The following LARP4B variants were observed in gnomAD, a reference collection of about 807,000 sequenced individuals.
LARP4B encodes la-related protein 4B.
In LARP4B, 12 loss-of-function variants were observed where a neutral mutation model predicts 89.8. The ratio of observed to expected loss-of-function variants is 0.13; its 90% confidence interval spans 0.09 to 0.22. LARP4B has a LOEUF of 0.22. Among genes scored for constraint, LARP4B ranks in the 10% least tolerant of loss-of-function variants. LARP4B has a pLI of 1.00. For missense variants in LARP4B, 757 were observed against 947.7 expected, an observed-to-expected ratio of 0.80 and a Z score of 2.64; for synonymous variants, 367 against 363.3, an observed-to-expected ratio of 1.01 and a Z score of -0.12.
intron 5 of LARP4B, among the ~76,000 whole-genome samples, chr10:860,219 T>TA (rs1834529868): frequency 6.6e-6 from 1 of 152,088 alleles, no homozygotes; most frequent in East Asian, 1.9e-4. Flanking sequence ...GTCTTTTTTT[T>TA]AAAAAGGATG....
the LARP4B span, among the ~76,000 whole-genome samples, chr10:961,047 G>A: frequency 6.6e-6 from 1 of 152,160 alleles, no homozygotes; most frequent in African/African-American, 2.4e-5. Flanking sequence ...ACGCCAAACT[G>A]CCACTGATGC....
At chr10:855,660 T>A (rs1834264263) in intron 5 of LARP4B, among the ~76,000 whole-genome samples, 1 of 152,150 alleles carries the variant, frequency 6.6e-6, no homozygotes, top group Admixed American at 6.5e-5. Context: ...TGAAAAGGCT[T>A]AAAATATTGT....
chr10:883,178 TTC>T (rs1312090591), intron 3 of LARP4B, among the ~76,000 whole-genome samples: 1 of 152,236 alleles, frequency 6.6e-6, no homozygotes, highest in Non-Finnish European at 1.5e-5. Context: ...TATAATTTTC[TTC>T]TTAGACTACC....
chr10:883,811 A>C (rs915142357), intron 3 of LARP4B, among the ~76,000 whole-genome samples: 1 of 151,726 alleles, frequency 6.6e-6, no homozygotes, highest in Admixed American at 6.6e-5. Flanking sequence ...CCAACTCCTC[A>C]ATTCCTACGT....
the LARP4B span, among the ~76,000 whole-genome samples, chr10:973,705 G>A: frequency 2.6e-5 from 4 of 152,058 alleles, no homozygotes; most frequent in Non-Finnish European, 4.4e-5. Flanking sequence ...ACTGGTTCCC[G>A]TTAGCTAAAT....
chr10:866,529 G>A (rs780322206), intron 3 of LARP4B, among the ~76,000 whole-genome samples: 4 of 152,190 alleles, frequency 2.6e-5, no homozygotes, highest in African/African-American at 9.7e-5. Context: ...ACTGCCTCTG[G>A]CAGCGTTTAC....
At chr10:908,557 C>T (rs1353430647) in intron 1 of LARP4B, among the ~76,000 whole-genome samples, 2 of 152,100 alleles carry the variant, frequency 1.3e-5, no homozygotes, top group Admixed American at 1.3e-4. Context: ...GACACTATCT[C>T]CAGGTAGAGT....
At chr10:840,629 T>G (rs1833477886) in intron 7 of LARP4B, among the ~76,000 whole-genome samples, 1 of 152,106 alleles carries the variant, frequency 6.6e-6, no homozygotes, top group East Asian at 1.9e-4. Flanking sequence ...ACATGAAGGG[T>G]GAAAACAGCC....
At chr10:899,530 T>C (rs1836276552) in intron 1 of LARP4B, among the ~76,000 whole-genome samples, 1 of 152,220 alleles carries the variant, frequency 6.6e-6, no homozygotes, top group South Asian at 2.1e-4. Context: ...ACCAATGATA[T>C]ATTACAACTT....
At chr10:956,174 A>G in the LARP4B span, among the ~76,000 whole-genome samples, 1 of 152,112 alleles carries the variant, frequency 6.6e-6, no homozygotes, top group Non-Finnish European at 1.5e-5. The surrounding 1 kb of genome is among the most constrained non-coding windows in gnomAD (Gnocchi z 4.3). Context: ...GATTCCATCA[A>G]ATTATACCCA....
chr10:916,603 G>C (rs1426293666), intron 1 of LARP4B, among the ~76,000 whole-genome samples: 1 of 152,220 alleles, frequency 6.6e-6, no homozygotes, highest in African/African-American at 2.4e-5. Context: ...GCCGTGGCAG[G>C]AGAATCACTT....
chr10:972,903 G>A, the LARP4B span: 1 of 455,288 alleles, frequency 2.2e-6, no homozygotes, highest in Non-Finnish European at 4.4e-6. Context: ...GCTCGCTGCT[G>A]AGCCACATCG....
rs1267056390 is a variant in LARP4B at position 906,927 on chromosome 10, C to T, written c.-39-21167G>A. ...AAAGCATCTCCCTTCTTCCCACCTC[C>T]CCAAACTCCACAGATTCTTCCAGAC... On this transcript the variant is annotated intron_variant, in intron 1 of 17. Transcript: ENST00000316157. Among the ~76,000 whole-genome samples the T allele has an allele frequency of 2.0e-5, 3 of 152,180 alleles. No homozygotes were observed. The East Asian group carries it at 5.8e-4, about 29-fold the overall frequency.
the LARP4B span, chr10:985,278 TA>T: frequency 6.6e-6 from 1 of 152,330 alleles, no homozygotes; most frequent in Non-Finnish European, 1.5e-5. Flanking sequence ...AATATTATTG[TA>T]ACTAAGCAGC....
chr10:952,699 A>C, the LARP4B span, among the ~76,000 whole-genome samples: 12 of 628 alleles, frequency 0.019, no homozygotes, highest in East Asian at 0.022. Context: ...CCAGCCCAGA[A>C]CCAACTGCAT....
chr10:912,514 G>T (rs1037950217), intron 1 of LARP4B, among the ~76,000 whole-genome samples: 2 of 151,962 alleles, frequency 1.3e-5, no homozygotes, highest in African/African-American at 4.8e-5. Context: ...ATTAAAGTCA[G>T]TAATCTAACC....
the LARP4B span, among the ~76,000 whole-genome samples, chr10:970,440 G>C: frequency 6.6e-6 from 1 of 152,106 alleles, no homozygotes; most frequent in Non-Finnish European, 1.5e-5. Flanking sequence ...TCCCAAATCT[G>C]GGGTTCTGTC....
At chr10:862,633 G>A (rs1188682718) in intron 5 of LARP4B, among the ~76,000 whole-genome samples, 3 of 152,044 alleles carry the variant, frequency 2.0e-5, no homozygotes, top group Admixed American at 6.6e-5. Context: ...GGTGGCAGAC[G>A]CCTGTAGTCC....
chr10:949,981 G>T, the LARP4B span, among the ~76,000 whole-genome samples: 1 of 152,064 alleles, frequency 6.6e-6, no homozygotes, highest in Non-Finnish European at 1.5e-5. Context: ...TTGCCATGTT[G>T]CCCACGCTGG....
Sources: gnomAD v4.1 joint callset for allele counts (sites outside exome capture counted in the v4.1 genomes callset) on GRCh38, gnomAD v4.1.1 for gene constraint, Gnocchi (gnomAD v3.1) non-coding constraint, MANE v1.5 for transcripts, NCBI Gene and HGNC (gene_info 2026-07-23, HGNC 2026-07-21) for gene names.